PDE4B: variants seen among roughly 807,000 people sequenced by gnomAD.
PDE4B encodes 3',5'-cyclic-AMP phosphodiesterase 4B.
A neutral mutation model predicts 82.2 loss-of-function variants in PDE4B; 20 were observed. The observed-to-expected ratio is 0.24, with a 90% CI of 0.17 to 0.35. PDE4B has a LOEUF of 0.35. Among genes scored for constraint, PDE4B ranks in the 10% least tolerant of loss-of-function variants. The probability of loss-of-function intolerance (pLI) is 1.00; values close to 1 mark genes in which losing one functional copy is unlikely to be tolerated. For missense variants in PDE4B, 655 were observed against 907.2 expected (o/e 0.72, Z 3.57); for synonymous variants, 320 against 318.9 (o/e 1.00, Z -0.04).
intron 3 of PDE4B, among the ~76,000 whole-genome samples, chr1:66,047,773 A>C (rs1654795665): frequency 6.6e-6 from 1 of 151,868 alleles, no homozygotes; most frequent in Non-Finnish European, 1.5e-5. Context: ...GGCCTTTCCT[A>C]CTTTTGTGGT....
chr1:66,126,552 A>G (rs1349858751), intron 3 of PDE4B, among the ~76,000 whole-genome samples: 2 of 152,188 alleles, frequency 1.3e-5, no homozygotes, highest in Non-Finnish European at 2.9e-5. Flanking sequence ...ATGATAATTT[A>G]TTTTCAAACC....
intron 3 of PDE4B, among the ~76,000 whole-genome samples, chr1:66,199,942 T>A (rs1648729128): frequency 6.6e-6 from 1 of 152,140 alleles, no homozygotes; most frequent in African/African-American, 2.4e-5. Context: ...CTGAATAGTA[T>A]TGCCTAGGTT....
intron 3 of PDE4B, among the ~76,000 whole-genome samples, chr1:65,923,601 A>T (rs963780905): frequency 7.9e-5 from 12 of 152,226 alleles, no homozygotes; most frequent in Admixed American, 3.3e-4. Context: ...TTTTGCCTGA[A>T]GTAAATTCTT....
chr1:65,965,252 C>T (rs1044680423), intron 3 of PDE4B, among the ~76,000 whole-genome samples: 23 of 152,038 alleles, frequency 1.5e-4, no homozygotes, highest in Middle Eastern at 3.4e-3. Context: ...TTCCTCCCCC[C>T]CCCATGGAAA....
intron 3 of PDE4B, among the ~76,000 whole-genome samples, chr1:66,025,407 A>G (rs1347714984): frequency 1.3e-5 from 2 of 152,304 alleles, no homozygotes; most frequent in East Asian, 1.9e-4. Flanking sequence ...TCTCTTTACA[A>G]GCCTAATAAC....
chr1:65,815,833 G>T lies in PDE4B; in HGVS notation c.-71+22585G>T, dbSNP rs115439620. On this transcript the variant is annotated intron_variant, in intron 1 of 16. Transcript: ENST00000341517. Reference sequence around the variant, plus strand: ...AAGTATATAAAAGCAATCAGTAAAAGGATTCATACATATTGCTATATAAGG... The same window carrying T: ...AAGTATATAAAAGCAATCAGTAAAATGATTCATACATATTGCTATATAAGG... 3.8e-3 allele frequency among the ~76,000 whole-genome samples: 580 copies of T among 152,184 alleles called. 4 individuals carry two copies. Among genetic ancestry groups the T allele is most frequent in the African/African-American group, 0.013 (535 of 41,524 alleles).
intron 10 of PDE4B, among the ~76,000 whole-genome samples, chr1:66,362,819 A>C (rs994698718): frequency 1.3e-5 from 2 of 152,218 alleles, no homozygotes; most frequent in African/African-American, 2.4e-5. Flanking sequence ...AGTAAGCAGC[A>C]AGGGGAGAGA....
intron 3 of PDE4B, among the ~76,000 whole-genome samples, chr1:66,184,902 A>G (rs1033150396): frequency 1.3e-5 from 2 of 151,138 alleles, no homozygotes; most frequent in Admixed American, 6.6e-5. Context: ...TGTTTGTTGC[A>G]TATGTATACA....
chr1:66,297,640 C>A (rs1314039304), intron 7 of PDE4B, among the ~76,000 whole-genome samples: 1 of 152,068 alleles, frequency 6.6e-6, no homozygotes, highest in African/African-American at 2.4e-5. Context: ...TTATTCATTG[C>A]AGCTCACTCC....
intron 3 of PDE4B, among the ~76,000 whole-genome samples, chr1:65,945,689 A>G (rs1407832430): frequency 2.0e-5 from 3 of 151,996 alleles, no homozygotes; most frequent in Non-Finnish European, 4.4e-5. Context: ...CTGTGGCTAC[A>G]CTGTATGTAA....
At chr1:65,960,964 TC>T (rs1649514708) in intron 3 of PDE4B, among the ~76,000 whole-genome samples, 1 of 152,284 alleles carries the variant, frequency 6.6e-6, no homozygotes, top group Non-Finnish European at 1.5e-5. Context: ...ATTTTTGGAC[TC>T]CTGGTAAGTC....
chr1:65,985,730 GAAGA>G (rs1167333726), intron 3 of PDE4B, among the ~76,000 whole-genome samples: 2 of 152,076 alleles, frequency 1.3e-5, no homozygotes, highest in East Asian at 1.9e-4. Context: ...ATGACCTAGG[GAAGA>G]AAGAGAGGAA....
At chr1:65,970,552 GC>G (rs1650076153) in intron 3 of PDE4B, among the ~76,000 whole-genome samples, 1 of 152,118 alleles carries the variant, frequency 6.6e-6, no homozygotes, top group African/African-American at 2.4e-5. Context: ...TAAGACATGA[GC>G]CATATTCTCA....
intron 16 of PDE4B, 73 bp downstream of exon 16, chr1:66,369,042 C>T (rs961928285): frequency 7.2e-5 from 83 of 1,152,558 alleles, no homozygotes; most frequent in Non-Finnish European, 8.7e-5. Flanking sequence ...TATTTAATTC[C>T]GTTTTTCCAA....
intron 3 of PDE4B, among the ~76,000 whole-genome samples, chr1:66,218,610 C>A (rs943313356): frequency 6.6e-6 from 1 of 152,082 alleles, no homozygotes; most frequent in Non-Finnish European, 1.5e-5. Context: ...TCACCAGCCA[C>A]CCCCAGCCCA....
At chr1:66,158,980 G>A (rs1430239562) in intron 3 of PDE4B, among the ~76,000 whole-genome samples, 1 of 152,034 alleles carries the variant, frequency 6.6e-6, no homozygotes, top group African/African-American at 2.4e-5. Context: ...TTAGCAAAAG[G>A]GTACAAACTT....
intron 3 of PDE4B, among the ~76,000 whole-genome samples, chr1:66,103,786 C>T (rs1645276510): frequency 6.6e-6 from 1 of 152,106 alleles, no homozygotes; most frequent in Non-Finnish European, 1.5e-5. Context: ...GAATGAAATT[C>T]ACTTTTCATT....
chr1:66,303,725 T>G (rs1478985718), intron 7 of PDE4B, among the ~76,000 whole-genome samples: 1 of 152,114 alleles, frequency 6.6e-6, no homozygotes, highest in East Asian at 1.9e-4. Context: ...GTGACAAGGA[T>G]GGAGGTTAGC....
intron 3 of PDE4B, among the ~76,000 whole-genome samples, chr1:66,118,213 A>G (rs184365097): frequency 1.6e-3 from 240 of 152,298 alleles, no homozygotes; most frequent in African/African-American, 5.3e-3. Flanking sequence ...CAGCCATCCC[A>G]TTACTGGGTA....
Sources: allele counts gnomAD v4.1 joint callset (sites outside exome capture counted in the v4.1 genomes callset), GRCh38; gene constraint gnomAD v4.1.1; transcripts MANE v1.5; gene names NCBI Gene and HGNC (gene_info 2026-07-23, HGNC 2026-07-21).